Variants in KCNIP4 observed in about 807,000 individuals in gnomAD.
KCNIP4 encodes the protein potassium voltage-gated channel interacting protein 4.
A neutral mutation model predicts 34.0 loss-of-function variants in KCNIP4; 12 were observed. That is an observed-to-expected ratio of 0.35 (90% CI 0.23 to 0.57). The LOEUF (loss-of-function observed/expected upper bound fraction) is 0.57. Ranked by LOEUF, KCNIP4 falls within the 20% of genes least tolerant of loss-of-function variation. The probability of loss-of-function intolerance (pLI) is 0.83; values close to 1 mark genes in which losing one functional copy is unlikely to be tolerated. For missense variants in KCNIP4, 238 were observed against 311.7 expected (o/e 0.76, Z 1.78); for synonymous variants, 124 against 102.2 (o/e 1.21, Z -1.29).
chr4:21,419,867 G>A (rs189939150), intron 1 of KCNIP4, among the ~76,000 whole-genome samples: 36 of 152,232 alleles, frequency 2.4e-4, no homozygotes, highest in Admixed American at 9.8e-4. Context: ...TTGTACTGGC[G>A]ACAGCTGTTA....
intron 1 of KCNIP4, among the ~76,000 whole-genome samples, chr4:21,035,321 A>T (rs1168636849): frequency 6.6e-6 from 1 of 152,206 alleles, no homozygotes; most frequent in Middle Eastern, 3.2e-3. Context: ...TTAGGATTAG[A>T]ATGTGACATC....
chr4:20,788,014 C>A (rs1166071036), intron 3 of KCNIP4, among the ~76,000 whole-genome samples: 1 of 152,052 alleles, frequency 6.6e-6, no homozygotes, highest in Non-Finnish European at 1.5e-5. Flanking sequence ...CTTCCTTCCT[C>A]CCTATTTTTT....
intron 1 of KCNIP4, among the ~76,000 whole-genome samples, chr4:21,453,973 G>A (rs1197836718): frequency 4.6e-5 from 7 of 151,988 alleles, no homozygotes; most frequent in African/African-American, 1.4e-4. Context: ...GGCTTGTTGG[G>A]AGCATCAACT....
intron 1 of KCNIP4, among the ~76,000 whole-genome samples, chr4:21,871,409 T>C (rs965765969): frequency 2.0e-5 from 3 of 151,226 alleles, no homozygotes; most frequent in Non-Finnish European, 4.4e-5. Context: ...CCATCAATGA[T>C]AGACTGGATT....
intron 1 of KCNIP4, among the ~76,000 whole-genome samples, chr4:21,720,579 C>A (rs971985781): frequency 1.4e-5 from 2 of 146,188 alleles, no homozygotes; most frequent in Admixed American, 1.4e-4. Context: ...ATGTGCACAA[C>A]GTGCAGGTTT....
chr4:21,637,289 G>A lies in KCNIP4; in HGVS notation c.61+311282C>T, dbSNP rs142816856. Among the ~76,000 whole-genome samples, 334 of 152,122 alleles carry A rather than the reference G, an allele frequency of 2.2e-3. 2 individuals carry two copies. Among genetic ancestry groups the A allele is most frequent in the South Asian group, 3.9e-3 (19 of 4,822 alleles). On this transcript the variant is annotated intron_variant, in intron 1 of 8. Coordinates refer to ENST00000382152, the MANE Select transcript of KCNIP4 (RefSeq NM_025221.6). Reference sequence around the variant, plus strand: ...CAAGTTTAAGAGAGTAAATACTTTAGGTAAATACTTTAGTAAATACTTCAG... The same window carrying A: ...CAAGTTTAAGAGAGTAAATACTTTAAGTAAATACTTTAGTAAATACTTCAG...
At chr4:21,485,961 C>CAGCTCACCA (rs1332654953) in intron 1 of KCNIP4, among the ~76,000 whole-genome samples, 2 of 141,278 alleles carry the variant, frequency 1.4e-5, no homozygotes, top group African/African-American at 2.5e-5. Context: ...CTGCTTCCCA[C>CAGCTCACCA]AGCCTGGGAT....
rs1748597809 is a variant in KCNIP4 at position 20,732,618 on chromosome 4, T to C, written c.642+63A>G. On this transcript the variant is annotated intron_variant, in intron 7 of 8. Coordinates refer to ENST00000382152, the MANE Select transcript of KCNIP4 (RefSeq NM_025221.6). ...CTCTCTTTTGAATCATCGTGGTGCA[T>C]GGCAAACATCAGGAAATTTTCTCCT... 6.0e-6 allele frequency: 6 copies of C among 1,006,654 alleles called. No homozygotes were observed. In the East Asian group the frequency reaches 1.4e-4, roughly 24 times the overall value. 62.4% of individuals were successfully genotyped at this position (1,006,654 alleles called of 1,614,324 possible).
rs147171319 is a variant in KCNIP4, at chr4:21,083,693, C to T, written c.62-200984G>A. On this transcript the variant is annotated intron_variant, in intron 1 of 8. Transcript: ENST00000382152. ...CTAAAGCCATTAAAAGGAATGTGAC[C>T]CTATTGGCACCTTTAATTCTGGCTT... 6.8e-3 allele frequency among the ~76,000 whole-genome samples: 1,036 copies of T among 151,850 alleles called. 29 individuals are homozygous for T. Among genetic ancestry groups the T allele is most frequent in the Middle Eastern group, 0.024 (7 of 294 alleles).
intron 3 of KCNIP4, among the ~76,000 whole-genome samples, chr4:20,826,851 A>G (rs1717821703): frequency 6.6e-6 from 1 of 152,180 alleles, no homozygotes; most frequent in Non-Finnish European, 1.5e-5. Context: ...ATAGGAAACA[A>G]GGTCTTCTAA....
chr4:21,409,691 A>G lies in KCNIP4; in HGVS notation c.62-526982T>C, dbSNP rs551232325. ...AATGTTTAATGAGTGCTTGCTATAA[A>G]ATACATCGTTAGGAAAAAAGGGGTC... is the stretch of plus-strand genomic sequence containing the variant. On this transcript the variant is annotated intron_variant, in intron 1 of 8. Transcript: ENST00000382152. Among the ~76,000 whole-genome samples the G allele has an allele frequency of 1.8e-3, 278 of 152,360 alleles. 4 individuals carry two copies. The highest frequency in any genetic ancestry group is 3.4e-3 in the Middle Eastern group (1 of 294).
chr4:21,228,699 A>C (rs1758577257), intron 1 of KCNIP4, among the ~76,000 whole-genome samples: 1 of 152,156 alleles, frequency 6.6e-6, no homozygotes, highest in Admixed American at 6.5e-5. Flanking sequence ...TCCATCTTCC[A>C]GTCCGGTTTT....
intron 1 of KCNIP4, among the ~76,000 whole-genome samples, chr4:21,052,991 TGAGA>T (rs1486467366): frequency 1.3e-5 from 2 of 151,284 alleles, no homozygotes; most frequent in East Asian, 3.9e-4. Flanking sequence ...GAGATCAATC[TGAGA>T]GAGAAAGATA....
intron 1 of KCNIP4, among the ~76,000 whole-genome samples, chr4:21,880,947 T>G (rs1726426251): frequency 6.6e-6 from 1 of 152,330 alleles, no homozygotes; most frequent in African/African-American, 2.4e-5. Flanking sequence ...GATAAAACTC[T>G]TATTAATTGA....
chr4:20,759,361 A>G (rs900000669), intron 3 of KCNIP4, among the ~76,000 whole-genome samples: 1 of 152,184 alleles, frequency 6.6e-6, no homozygotes, highest in East Asian at 1.9e-4. Flanking sequence ...AGTAATAGAT[A>G]CTAATGCTTG....
intron 1 of KCNIP4, among the ~76,000 whole-genome samples, chr4:21,081,962 T>C (rs144481691): frequency 9.9e-5 from 15 of 151,930 alleles, no homozygotes; most frequent in South Asian, 4.1e-4. Context: ...ATGAGATAAA[T>C]CTTCATTTCT....
At chr4:21,715,655 T>C (rs551771305) in intron 1 of KCNIP4, among the ~76,000 whole-genome samples, 1 of 152,324 alleles carries the variant, frequency 6.6e-6, no homozygotes, top group African/African-American at 2.4e-5. Flanking sequence ...GAATTGGATT[T>C]CTTATAGCTT....
rs901138843 is a variant in KCNIP4 at position 21,084,964 on chromosome 4, C to T, written c.62-202255G>A. Among the ~76,000 whole-genome samples the T allele has an allele frequency of 8.0e-5, 12 of 149,960 alleles. No individual in the cohort carries two copies. In the East Asian group the frequency reaches 2.1e-3, roughly 27 times the overall value. ...ATATAGATCCCATATTATACACACT[C>T]ATATTACACTTATATAATATCTATA... On this transcript the variant is annotated intron_variant, in intron 1 of 8. Transcript: ENST00000382152.
At position 20,729,035 on chromosome 4, in the gene KCNIP4, G is replaced by C. The variant is rs1008449160; in HGVS notation, c.*1047C>G. 3 of 152,126 alleles carry C rather than the reference G, an allele frequency of 2.0e-5. No individual in the cohort carries two copies. The highest frequency in any genetic ancestry group is 7.2e-5 in the African/African-American group (3 of 41,388). The allele number at this position is 152,126 out of a possible 1,614,324, so 9.4% of individuals were successfully genotyped here. The stretch of plus-strand genomic sequence containing the variant: ...AGTTGTCAATGTAATGGAACCACTG[G>C]TGCTTTCAAAGTGAATTTTGCTTGC... On this transcript the variant is annotated 3_prime_UTR_variant, in exon 9 of 9. Transcript: ENST00000382152.
Sources: gnomAD v4.1 joint callset for allele counts (sites outside exome capture counted in the v4.1 genomes callset) on GRCh38, gnomAD v4.1.1 for gene constraint, MANE v1.5 for transcripts, NCBI Gene and HGNC (gene_info 2026-07-23, HGNC 2026-07-21) for gene names.